Variants in LRRC37B observed in about 807,000 individuals in gnomAD.
LRRC37B encodes the protein leucine-rich repeat-containing protein 37B.
LRRC37B carries 28 observed loss-of-function variants against 98.3 expected under a neutral mutation model. That is an observed-to-expected ratio of 0.28 (90% CI 0.21 to 0.39). LRRC37B has a LOEUF of 0.39. Among genes scored for constraint, LRRC37B ranks in the 10% least tolerant of loss-of-function variants. The pLI is 1.00. For missense variants in LRRC37B, 938 were observed against 1,182.7 expected, an observed-to-expected ratio of 0.79 and a Z score of 3.03; for synonymous variants, 364 against 442.7, an observed-to-expected ratio of 0.82 and a Z score of 2.23.
At chr17:32,015,907 C>T (rs183899904) in intron 1 of LRRC37B, among the ~76,000 whole-genome samples, 481 of 152,278 alleles carry the variant, frequency 3.2e-3, no homozygotes, top group Non-Finnish European at 4.9e-3. Context: ...CCAGGAGGCA[C>T]AGCAAAGGGT....
intron 2 of LRRC37B, among the ~76,000 whole-genome samples, chr17:32,027,529 G>A (rs1171491552): frequency 6.7e-6 from 1 of 150,324 alleles, no homozygotes. Flanking sequence ...GTGTGTGCTT[G>A]TGTGTGTGTG....
At chr17:32,021,130 T>C (rs1242342426) in exon 1 of LRRC37B, 1 of 1,614,146 alleles carries the variant, frequency 6.2e-7, no homozygotes, top group East Asian at 2.2e-5. Context: ...GCTGAGTGCA[T>C]AGCACCAGCG....
chr17:32,019,926 A>G (rs1910724716), upstream of LRRC37B, among the ~76,000 whole-genome samples: 1 of 152,140 alleles, frequency 6.6e-6, no homozygotes. Context: ...ATCTCGGCTC[A>G]CTGCAACCTC....
At chr17:32,049,874 A>G in intron 10 of LRRC37B, 129 bp from the exon 14 acceptor site, 1 of 579,180 alleles carries the variant, frequency 1.7e-6, no homozygotes, top group South Asian at 2.4e-5. Flanking sequence ...TCTCAAAAAA[A>G]ATAAAAAGAA....
chr17:32,035,594 C>A (rs1447108337), exon 7 of LRRC37B: 2 of 1,612,406 alleles, frequency 1.2e-6, no homozygotes, highest in Admixed American at 1.7e-5. Context: ...ATCACACTTA[C>A]AACACTTAAG....
intron 7 of LRRC37B, among the ~76,000 whole-genome samples, chr17:32,044,366 T>TTTTTTTGATCTTTCATGACATTGGCA (rs1275489888): frequency 6.6e-6 from 1 of 152,220 alleles, no homozygotes; most frequent in African/African-American, 2.4e-5. Flanking sequence ...ATGCCTCTAC[T>TTTTTTTGATCTTTCATGACATTGGCA]TTTTTTGATC....
chr17:32,037,872 C>G (rs1911294696), intron 7 of LRRC37B, among the ~76,000 whole-genome samples: 1 of 151,976 alleles, frequency 6.6e-6, no homozygotes, highest in Non-Finnish European at 1.5e-5. Flanking sequence ...CTTTGGGAGG[C>G]CAAGGCGGGT....
upstream of LRRC37B, chr17:32,020,962 C>T (rs944125419): frequency 5.2e-5 from 76 of 1,463,062 alleles, no homozygotes; most frequent in Admixed American, 3.5e-4. Context: ...TGGGAAGGGG[C>T]GCTTGGGCGG....
At chr17:32,049,264 T>C in exon 10 of LRRC37B, 1 of 1,613,438 alleles carries the variant, frequency 6.2e-7, no homozygotes, top group Non-Finnish European at 8.5e-7. Flanking sequence ...ACAGGCCTCC[T>C]GATGAAGCTT....
At chr17:32,011,298 ATTTCAC>A (rs1910520517) in intron 1 of LRRC37B, among the ~76,000 whole-genome samples, 4 of 150,362 alleles carry the variant, frequency 2.7e-5, no homozygotes, top group African/African-American at 4.9e-5. Context: ...CCCGGCCCGG[ATTTCAC>A]TTTTTTAATG....
At chr17:32,010,435 C>T (rs1910500433) in intron 1 of LRRC37B, among the ~76,000 whole-genome samples, 1 of 152,196 alleles carries the variant, frequency 6.6e-6, no homozygotes, top group South Asian at 2.1e-4. Context: ...CCTGGCCTGA[C>T]CAACCCAAGT....
chr17:32,016,591 C>T (rs986565322), upstream of LRRC37B, among the ~76,000 whole-genome samples: 4 of 152,150 alleles, frequency 2.6e-5, no homozygotes, highest in Non-Finnish European at 4.4e-5. Flanking sequence ...TCAAACTTGC[C>T]TGCACATCAG....
At chr17:32,019,844 C>G (rs905092510), upstream of LRRC37B, among the ~76,000 whole-genome samples, 3 of 152,074 alleles carry the variant, frequency 2.0e-5, no homozygotes, top group Non-Finnish European at 4.4e-5. Flanking sequence ...ATCTTGGAAT[C>G]CCTTCAATTT....
exon 5 of LRRC37B, chr17:32,031,436 G>C: frequency 6.2e-7 from 1 of 1,607,960 alleles, no homozygotes; most frequent in Non-Finnish European, 8.5e-7. Context: ...GGCCTGGCAC[G>C]GAATGCAGTT....
intron 4 of LRRC37B, 65 bp downstream of exon 7, chr17:32,030,792 G>C (rs1911088951): frequency 1.0e-6 from 1 of 984,986 alleles, no homozygotes; most frequent in African/African-American, 1.6e-5. Context: ...AAACCTCTTT[G>C]CTATTCATTT....
chr17:32,017,476 CCAAA>C (rs991371049), upstream of LRRC37B, among the ~76,000 whole-genome samples: 1 of 152,146 alleles, frequency 6.6e-6, no homozygotes, highest in Non-Finnish European at 1.5e-5. Flanking sequence ...GTCCTTTGAA[CCAAA>C]CACAGTTGAT....
At chr17:32,009,865 T>A (rs1910489522) in intron 1 of LRRC37B, among the ~76,000 whole-genome samples, 1 of 151,982 alleles carries the variant, frequency 6.6e-6, no homozygotes, top group African/African-American at 2.4e-5. Context: ...AGGCTGGTCT[T>A]GAACTCCTGA....
At chr17:32,022,336 C>T in exon 1 of LRRC37B, 1 of 1,613,952 alleles carries the variant, frequency 6.2e-7, no homozygotes, top group Non-Finnish European at 8.5e-7. Context: ...CCTGAGGTGA[C>T]ACTTCCACCT....
chr17:32,022,476 G>C (rs1319313014), exon 1 of LRRC37B: 16 of 1,612,940 alleles, frequency 9.9e-6, no homozygotes, highest in Non-Finnish European at 1.2e-5. Flanking sequence ...GGAAACCTCA[G>C]CTCAGCCTCC....
Sources: allele counts gnomAD v4.1 joint callset (sites outside exome capture counted in the v4.1 genomes callset), GRCh38; gene constraint gnomAD v4.1.1; transcripts MANE v1.5; gene names NCBI Gene and HGNC (gene_info 2026-07-23, HGNC 2026-07-21).